TMEM217: variants seen among roughly 807,000 people sequenced by gnomAD.
TMEM217 encodes chromosome 6 open reading frame 128.
For missense variants in TMEM217, 204 were observed against 248.8 expected (o/e 0.82, Z 1.21); for synonymous variants, 76 against 88.3 (o/e 0.86, Z 0.78).
chr6:37,220,303 A>C (rs1763432264), intron 1 of TMEM217, among the ~76,000 whole-genome samples: 1 of 152,204 alleles, frequency 6.6e-6, no homozygotes, highest in Admixed American at 6.5e-5. Context: ...GGCACACTTG[A>C]TTTCATTATG....
downstream of TMEM217, among the ~76,000 whole-genome samples, chr6:37,217,131 T>C (rs1763246662): frequency 2.0e-5 from 3 of 152,198 alleles, no homozygotes; most frequent in South Asian, 6.2e-4. Context: ...CCGTCTCTAC[T>C]AAAAATACAA....
At chr6:37,244,631 T>A (rs1764958843) in intron 1 of TMEM217, among the ~76,000 whole-genome samples, 1 of 152,226 alleles carries the variant, frequency 6.6e-6, no homozygotes, top group Non-Finnish European at 1.5e-5. Flanking sequence ...CATAGACTTG[T>A]GGAGAAATCT....
chr6:37,246,753 A>G (rs1237901394), intron 1 of TMEM217, among the ~76,000 whole-genome samples: 5 of 152,068 alleles, frequency 3.3e-5, no homozygotes, highest in Admixed American at 1.3e-4. Context: ...ATAATTTTAA[A>G]AATTAGCTGA....
chr6:37,257,289 A>C (rs1403581161), intron 1 of TMEM217, among the ~76,000 whole-genome samples: 1 of 152,226 alleles, frequency 6.6e-6, no homozygotes, highest in South Asian at 2.1e-4. Flanking sequence ...TTGAACAGTT[A>C]GCAATCCCGG....
downstream of TMEM217, among the ~76,000 whole-genome samples, chr6:37,213,485 C>G (rs1397015328): frequency 6.6e-6 from 1 of 152,252 alleles, no homozygotes; most frequent in Non-Finnish European, 1.5e-5. Context: ...CTGATTTGCT[C>G]CCTGGGCATG....
chr6:37,257,922 C>A, exon 1 of TMEM217: 2 of 1,613,816 alleles, frequency 1.2e-6, no homozygotes, highest in Non-Finnish European at 1.7e-6. Flanking sequence ...AGAGCAATGG[C>A]CGCTGAGAAC....
chr6:37,224,626 C>G (rs149717984), intron 1 of TMEM217, among the ~76,000 whole-genome samples: 1,865 of 151,302 alleles, frequency 0.012, 31 homozygotes, highest in Middle Eastern at 0.068. Context: ...AAAAAAAAAC[C>G]TTTTATTTTT....
chr6:37,225,597 AAC>A (rs1281066090), intron 1 of TMEM217, among the ~76,000 whole-genome samples: 1 of 152,190 alleles, frequency 6.6e-6, no homozygotes, highest in African/African-American at 2.4e-5. Flanking sequence ...ATCCAACTAA[AAC>A]AGATAGCAAA....
chr6:37,233,505 A>G (rs1252160934), intron 1 of TMEM217, among the ~76,000 whole-genome samples: 2 of 152,218 alleles, frequency 1.3e-5, no homozygotes, highest in Admixed American at 6.5e-5. Flanking sequence ...GTGGAAGGGC[A>G]AGAGGCAGCT....
intron 1 of TMEM217, among the ~76,000 whole-genome samples, chr6:37,233,347 C>T (rs1007674621): frequency 6.6e-6 from 1 of 152,164 alleles, no homozygotes; most frequent in African/African-American, 2.4e-5. Context: ...TGCAATATGT[C>T]ACAACACCAC....
At chr6:37,229,334 A>ATTTTTT (rs1764037840) in intron 1 of TMEM217, among the ~76,000 whole-genome samples, 7 of 30,316 alleles carry the variant, frequency 2.3e-4, no homozygotes, top group South Asian at 1.3e-3. Flanking sequence ...AGCAACTTTC[A>ATTTTTT]GTTTTTTTTT....
chr6:37,245,762 A>G (rs1765034141), intron 1 of TMEM217, among the ~76,000 whole-genome samples: 3 of 151,692 alleles, frequency 2.0e-5, no homozygotes, highest in Admixed American at 6.6e-5. Flanking sequence ...GAGGAGATCT[A>G]CTAGCCTCTC....
downstream of TMEM217, among the ~76,000 whole-genome samples, chr6:37,213,390 C>A (rs145953861): frequency 1.4e-4 from 21 of 152,330 alleles, 1 homozygote; most frequent in East Asian, 3.9e-3. Context: ...AGTCAGAAAA[C>A]TCTCATGGCT....
chr6:37,256,342 C>T (rs1443397346), intron 1 of TMEM217, among the ~76,000 whole-genome samples: 1 of 152,192 alleles, frequency 6.6e-6, no homozygotes, highest in Admixed American at 6.5e-5. Context: ...GTCTGGCTGT[C>T]CAGAATAAAG....
exon 2 of TMEM217, chr6:37,218,071 A>G: frequency 9.9e-7 from 1 of 1,005,804 alleles, no homozygotes; most frequent in Non-Finnish European, 1.2e-6. Flanking sequence ...TGGGGGGAAA[A>G]AAGGAAATAG....
At chr6:37,243,593 G>GGTTTT (rs1192891753) in intron 1 of TMEM217, among the ~76,000 whole-genome samples, 9 of 152,096 alleles carry the variant, frequency 5.9e-5, no homozygotes, top group Non-Finnish European at 1.2e-4. Flanking sequence ...CAGAGGTTAG[G>GGTTTT]GTTTTGTTTT....
chr6:37,224,726 G>C (rs903913185), intron 1 of TMEM217, among the ~76,000 whole-genome samples: 2 of 152,112 alleles, frequency 1.3e-5, no homozygotes, highest in African/African-American at 4.8e-5. Context: ...GAGCAGCTGG[G>C]ATTACAGGAG....
At chr6:37,226,874 C>T (rs1763873547) in intron 1 of TMEM217, among the ~76,000 whole-genome samples, 1 of 152,162 alleles carries the variant, frequency 6.6e-6, no homozygotes, top group African/African-American at 2.4e-5. Flanking sequence ...CCCAAGATCA[C>T]CATTCTCTTA....
At chr6:37,218,840 C>T in exon 2 of TMEM217, 15 of 1,614,210 alleles carry the variant, frequency 9.3e-6, no homozygotes, top group Non-Finnish European at 1.3e-5. Context: ...GATTTTAAAA[C>T]TCCAGCAGAT....
Sources: gnomAD v4.1 joint callset for allele counts (sites outside exome capture counted in the v4.1 genomes callset) on GRCh38, gnomAD v4.1.1 for gene constraint, MANE v1.5 for transcripts, NCBI Gene and HGNC (gene_info 2026-07-23, HGNC 2026-07-21) for gene names.